CHST11: variants seen among roughly 807,000 people sequenced by gnomAD.
The protein encoded by CHST11 is carbohydrate sulfotransferase 11.
CHST11 carries 9 observed loss-of-function variants against 30.4 expected under a neutral mutation model. That is an observed-to-expected ratio of 0.30 (90% confidence interval 0.18 to 0.52). The LOEUF (loss-of-function observed/expected upper bound fraction) is 0.52, where lower values mean the gene tolerates loss of function less well. CHST11 is among the 20% of genes least tolerant of loss of function. The probability of loss-of-function intolerance (pLI) is 0.97; values close to 1 mark genes in which losing one functional copy is unlikely to be tolerated. For missense variants in CHST11, 348 were observed against 460.6 expected (o/e 0.76, Z 2.24); for synonymous variants, 152 against 187.8 (o/e 0.81, Z 1.56).
At chr12:104,679,022 G>C (rs528482848) in intron 2 of CHST11, among the ~76,000 whole-genome samples, 1 of 152,088 alleles carries the variant, frequency 6.6e-6, no homozygotes. Flanking sequence ...AAACCAGCTC[G>C]TAAGAGGGCA....
At chr12:104,611,111 G>A (rs975128843) in intron 2 of CHST11, among the ~76,000 whole-genome samples, 2 of 152,092 alleles carry the variant, frequency 1.3e-5, no homozygotes, top group African/African-American at 2.4e-5. Flanking sequence ...TATGTCATTT[G>A]AAATTTTTTG....
chr12:104,645,989 C>T (rs1334146085), intron 2 of CHST11, among the ~76,000 whole-genome samples: 2 of 152,216 alleles, frequency 1.3e-5, no homozygotes, highest in Non-Finnish European at 2.9e-5. Flanking sequence ...GCACCATACT[C>T]TCCAGCGCTT....
At chr12:104,551,051 T>C (rs1565983979) in intron 1 of CHST11, among the ~76,000 whole-genome samples, 4 of 152,214 alleles carry the variant, frequency 2.6e-5, no homozygotes. Context: ...GCTTATTTCT[T>C]AGCACTTTTC....
At chr12:104,539,512 G>A (rs910161729) in intron 1 of CHST11, among the ~76,000 whole-genome samples, 4 of 152,202 alleles carry the variant, frequency 2.6e-5, no homozygotes, top group African/African-American at 9.7e-5. Context: ...ATTGTTTCCT[G>A]AAAGTGGGAT....
chr12:104,616,679 T>C (rs192312768), intron 2 of CHST11, among the ~76,000 whole-genome samples: 89 of 152,310 alleles, frequency 5.8e-4, no homozygotes, highest in African/African-American at 2.1e-3. Context: ...TTGGCCAGGA[T>C]GGTCTTGATC....
At chr12:104,553,067 G>T (rs919262895) in intron 1 of CHST11, 1 of 152,154 alleles carries the variant, frequency 6.6e-6, no homozygotes, top group Non-Finnish European at 1.5e-5. Context: ...CTCTAAAATC[G>T]CTTGTGCCTC....
At chr12:104,561,480 G>A (rs144613510) in intron 1 of CHST11, among the ~76,000 whole-genome samples, 280 of 152,278 alleles carry the variant, frequency 1.8e-3, no homozygotes, top group African/African-American at 6.2e-3. Context: ...AGGTACCAGC[G>A]TGCCTGACTC....
intron 2 of CHST11, among the ~76,000 whole-genome samples, chr12:104,711,744 T>A (rs1422199490): frequency 6.6e-6 from 1 of 151,998 alleles, no homozygotes; most frequent in Admixed American, 6.6e-5. Context: ...ATAAAAAACT[T>A]TGGAAGGAAA....
At chr12:104,684,644 T>G (rs954054509) in intron 2 of CHST11, among the ~76,000 whole-genome samples, 9 of 152,184 alleles carry the variant, frequency 5.9e-5, no homozygotes, top group Admixed American at 5.2e-4. Flanking sequence ...GCCTCCCAGG[T>G]TCAAGTGATT....
At chr12:104,639,347 A>G (rs1464886165) in intron 2 of CHST11, among the ~76,000 whole-genome samples, 1 of 152,232 alleles carries the variant, frequency 6.6e-6, no homozygotes, top group Non-Finnish European at 1.5e-5. Flanking sequence ...TAAAGGCCCC[A>G]AACTGGAAAC....
chr12:104,555,490 C>G (rs898683492), intron 1 of CHST11, among the ~76,000 whole-genome samples: 1 of 152,222 alleles, frequency 6.6e-6, no homozygotes, highest in Admixed American at 6.5e-5. Context: ...CCCATCATTT[C>G]CTGTCTTCTC....
In CHST11 at chr12:104,693,183, T is replaced by C. The variant is rs2136108773; in HGVS notation, c.205-63766T>C. Among the ~76,000 whole-genome samples, 3 of 152,324 alleles carry C rather than the reference T, an allele frequency of 2.0e-5. 1 individual carries two copies. The South Asian group carries it at 6.2e-4, about 32-fold the overall frequency. ...AGGCCCCGCCCCCCAAAGAACTCAT[T>C]GTATCTTAATTACCTCTTTCCAAAT... On this transcript the variant is annotated intron_variant, in intron 2 of 2. Coordinates refer to ENST00000303694, the MANE Select transcript of CHST11 (RefSeq NM_018413.6).
rs375899916 is a variant in CHST11 at position 104,657,220 on chromosome 12, GTCTT to G, written c.204+55234_204+55237del. Among the ~76,000 whole-genome samples, 87 of 152,320 alleles carry G rather than the reference GTCTT, an allele frequency of 5.7e-4. 1 individual carries two copies. The highest frequency in any genetic ancestry group is 1.9e-3 in the African/African-American group (77 of 41,568). ...AGCATCTTCAATCCACTATTTGCATGTCTTTCTTCTCATCTCTGGGAGCGAAACA... is the reference window on the plus strand; with the variant it reads ...AGCATCTTCAATCCACTATTTGCATGTCTTCTCATCTCTGGGAGCGAAACA... On this transcript the variant is annotated intron_variant, in intron 2 of 2. Transcript: ENST00000303694.
At chr12:104,498,738 A>T (rs1257563191) in intron 1 of CHST11, among the ~76,000 whole-genome samples, 2 of 152,200 alleles carry the variant, frequency 1.3e-5, no homozygotes, top group Non-Finnish European at 2.9e-5. Context: ...GCTCAAGCGG[A>T]TGTGGGGTGG....
chr12:104,698,231 T>TCA, intron 2 of CHST11, among the ~76,000 whole-genome samples: 1 of 152,238 alleles, frequency 6.6e-6, no homozygotes, highest in Admixed American at 6.5e-5. Flanking sequence ...CATCAAGGCA[T>TCA]TTCATCATCC....
At chr12:104,692,276 C>T (rs1419363590) in intron 2 of CHST11, among the ~76,000 whole-genome samples, 3 of 152,212 alleles carry the variant, frequency 2.0e-5, no homozygotes, top group African/African-American at 7.2e-5. Context: ...GCCAGCTCAT[C>T]CTCACTCTGA....
At chr12:104,490,473 G>C (rs1212200625) in intron 1 of CHST11, among the ~76,000 whole-genome samples, 1 of 152,184 alleles carries the variant, frequency 6.6e-6, no homozygotes, top group East Asian at 1.9e-4. Context: ...GTGTTTTAAG[G>C]GAAGTTGTAG....
intron 1 of CHST11, among the ~76,000 whole-genome samples, chr12:104,472,405 AC>A (rs1374548649): frequency 1.3e-4 from 20 of 152,014 alleles, no homozygotes; most frequent in Non-Finnish European, 2.8e-4. Context: ...ACACACACAC[AC>A]ACACACCCCT....
chr12:104,749,499 GAAGA>G (rs781399702), intron 2 of CHST11, among the ~76,000 whole-genome samples: 2 of 152,208 alleles, frequency 1.3e-5, no homozygotes, highest in African/African-American at 4.8e-5. Context: ...GGGAATGTAA[GAAGA>G]AAGACATTGA....
Sources: allele counts gnomAD v4.1 joint callset (sites outside exome capture counted in the v4.1 genomes callset), GRCh38; gene constraint gnomAD v4.1.1; transcripts MANE v1.5; gene names NCBI Gene and HGNC (gene_info 2026-07-23, HGNC 2026-07-21).